The following TRPM8 variants were observed in gnomAD, a reference collection of about 807,000 sequenced individuals.
The protein encoded by TRPM8 is transient receptor potential cation channel subfamily M member 8, also known as TRPM8 cationic channel.
A neutral mutation model predicts 133.7 loss-of-function variants in TRPM8; 110 were observed. The observed-to-expected ratio is 0.82, with a 90% CI of 0.70 to 0.96. The LOEUF is 0.96. Among genes scored for constraint, TRPM8 ranks in the 40% least tolerant of loss-of-function variants. The pLI is 0.00. For missense variants in TRPM8, 1,291 were observed against 1,379.5 expected (o/e 0.94, Z 1.02); for synonymous variants, 535 against 532.3 (o/e 1.01, Z -0.07).
At chr2:233,947,576 G>A (rs1049620509) in intron 8 of TRPM8, 1 of 1,291,624 alleles carries the variant, frequency 7.7e-7, no homozygotes. Flanking sequence ...GCCACCTGGG[G>A]ATGCAGGTAT....
intron 24 of TRPM8, among the ~76,000 whole-genome samples, chr2:234,014,131 C>T (rs1360755460): frequency 6.6e-6 from 1 of 151,986 alleles, no homozygotes; most frequent in Non-Finnish European, 1.5e-5. Flanking sequence ...CTTTTATTTG[C>T]AAAAATTTGA....
Position 233,922,970 on chromosome 2 carries a change from G to T in TRPM8, c.-5-3563G>T, listed in dbSNP as rs549058239. Among the ~76,000 whole-genome samples, 6 of 152,166 alleles carry T rather than the reference G, an allele frequency of 3.9e-5. 1 individual carries two copies. The South Asian group carries it at 1.2e-3, about 32-fold the overall frequency. ...TTCAAGCTCCGCCTCCCAGGTTCAC[G>T]CATTCTCCTGCCTCAGCCTCCTGAG... On this transcript the variant is annotated intron_variant, in intron 1 of 25. Transcript: ENST00000324695.
chr2:233,996,388 T>C lies in TRPM8; in HGVS notation c.3002T>C (p.Leu1001Pro), dbSNP rs371206564. The change falls in exon 22 of 26, where the codon CTG (leucine) becomes CCG (proline). Residue 1001 changes from leucine to proline, a missense_variant. By Grantham distance (98) the Leu-to-Pro change is moderately conservative. This residue lies in a region of TRPM8 where 328 missense variants were observed against 410.6 expected (regional missense o/e 0.80). Transcript: ENST00000324695. ...DQVWKFQRYF[L>P]VQEYCSRLNI... ...GTCTGGAAGTTCCAGAGGTACTTCCTGGTGCAGGAGTACTGCAGCCGCCTC... is the reference window on the plus strand; with the variant it reads ...GTCTGGAAGTTCCAGAGGTACTTCCCGGTGCAGGAGTACTGCAGCCGCCTC... 23 of 1,614,124 alleles carry C rather than the reference T, an allele frequency of 1.4e-5. 1 individual carries two copies. The African/African-American group carries it at 2.8e-4, about 20-fold the overall frequency.
intron 20 of TRPM8, chr2:233,983,491 T>C (rs150201186): frequency 1.0e-3 from 453 of 445,236 alleles, no homozygotes; most frequent in Non-Finnish European, 1.7e-3. Flanking sequence ...AATGTGGCAA[T>C]TGAAGGCAAC....
chr2:233,919,998 T>C (rs909916158), intron 1 of TRPM8, among the ~76,000 whole-genome samples: 16 of 152,208 alleles, frequency 1.1e-4, no homozygotes, highest in African/African-American at 3.9e-4. Flanking sequence ...GGGCCAGTGG[T>C]CCTCTGAAGG....
At position 233,985,694 on chromosome 2, in the gene TRPM8, C is replaced by T. The variant is rs200355253; in HGVS notation, c.2768C>T (p.Thr923Met). The T allele has an allele frequency of 9.9e-6, 16 of 1,613,778 alleles. No individual in the cohort carries two copies. The highest frequency in any genetic ancestry group is 5.3e-5 in the African/African-American group (4 of 74,920). Reference sequence around the variant, plus strand: ...TTGGTTTCTACATCCTCAGGTACCACGTATGACTTTGCCCACTGCACCTTC... The same window carrying T: ...TTGGTTTCTACATCCTCAGGTACCATGTATGACTTTGCCCACTGCACCTTC... ...GQVPSDVDGTTYDFAHCTFTG... is the reference protein window; with the variant it reads ...GQVPSDVDGTMYDFAHCTFTG... The change falls in exon 21 of 26, where the codon ACG (threonine) becomes ATG (methionine). Residue 923 changes from threonine to methionine, a missense_variant. By Grantham distance (81) the Thr-to-Met change is moderately conservative. This residue lies in a region of TRPM8 where 328 missense variants were observed against 410.6 expected (regional missense o/e 0.80). Transcript: ENST00000324695.
Position 233,953,939 on chromosome 2 carries a change from C to T in TRPM8, c.1163C>T (p.Ser388Phe). 2 of 1,613,460 alleles carry T rather than the reference C, an allele frequency of 1.2e-6. No homozygotes were observed. Among genetic ancestry groups the T allele is most frequent in the Non-Finnish European group, 1.7e-6 (2 of 1,179,760 alleles). The change falls in exon 10 of 26, where the codon TCT becomes TTT. Residue 388 changes from serine (S) to phenylalanine (F), a missense_variant. By Grantham distance (155) the Ser-to-Phe change is radical. Around this residue, in one of 2 missense-constraint regions of TRPM8, gnomAD observed 963 missense variants for 968.9 expected, o/e 0.99. Transcript: ENST00000324695. ...CAGCTCAAAGAAATTCTCGAATGTT[C>T]TCACCTATTAACAGTTATTAAAATG... is the stretch of plus-strand genomic sequence containing the variant. ...IKWLKEILEC[S>F]HLLTVIKMEE...
intron 25 of TRPM8, among the ~76,000 whole-genome samples, chr2:234,016,810 G>C (rs1002179166): frequency 5.3e-5 from 8 of 152,108 alleles, no homozygotes; most frequent in African/African-American, 1.9e-4. Context: ...CTTACTTTAA[G>C]GAAGGTCCCT....
At chr2:234,012,848 A>G (rs931672471) in intron 24 of TRPM8, among the ~76,000 whole-genome samples, 1 of 151,714 alleles carries the variant, frequency 6.6e-6, no homozygotes, top group Admixed American at 6.6e-5. Flanking sequence ...AATTTTGTCA[A>G]CTACTTTTTC....
intron 21 of TRPM8, among the ~76,000 whole-genome samples, chr2:233,991,455 C>T (rs775622276): frequency 9.2e-5 from 14 of 152,056 alleles, no homozygotes; most frequent in African/African-American, 2.2e-4. Flanking sequence ...TCAGAGAGAG[C>T]GAAAAGTCAC....
chr2:233,937,387 C>A lies in TRPM8; in HGVS notation c.226C>A (p.Gln76Lys). ...GTGCAAGTGTGGCTATGCCCAGAGC[C>A]AGCACATGGAAGGCACCCAGATCAA... Reference protein sequence around the residue: ...NVCKCGYAQSQHMEGTQINQS... With the variant: ...NVCKCGYAQSKHMEGTQINQS... The change falls in exon 4 of 26, where the codon CAG becomes AAG. Residue 76 changes from glutamine to lysine, a missense_variant. Coordinates refer to ENST00000324695, the MANE Select transcript of TRPM8 (RefSeq NM_024080.5). 6.2e-7 allele frequency: 1 copy of A among 1,614,140 alleles called. No homozygotes were observed. Among genetic ancestry groups the A allele is most frequent in the Non-Finnish European group, 8.5e-7 (1 of 1,180,028 alleles).
chr2:233,986,296 G>A (rs1692147770), intron 21 of TRPM8, among the ~76,000 whole-genome samples: 1 of 152,204 alleles, frequency 6.6e-6, no homozygotes, highest in African/African-American at 2.4e-5. Flanking sequence ...AAATTTTTCA[G>A]TTTAAATCAG....
intron 1 of TRPM8, among the ~76,000 whole-genome samples, chr2:233,924,456 C>G (rs1049322118): frequency 6.6e-6 from 1 of 152,192 alleles, no homozygotes; most frequent in African/African-American, 2.4e-5. Context: ...GTTCCTTCTT[C>G]CAATGCTTCT....
intron 22 of TRPM8, among the ~76,000 whole-genome samples, chr2:234,004,290 G>A (rs1331458962): frequency 2.0e-5 from 3 of 152,160 alleles, no homozygotes; most frequent in East Asian, 1.9e-4. Flanking sequence ...CTCCACCCTC[G>A]GGTGGTGTGG....
At chr2:233,950,794 G>T (rs1691156031) in intron 9 of TRPM8, among the ~76,000 whole-genome samples, 1 of 152,208 alleles carries the variant, frequency 6.6e-6, no homozygotes, top group African/African-American at 2.4e-5. Flanking sequence ...TTCTGATGAG[G>T]CTCCTCCCCA....
chr2:233,941,276 A>G (rs1454213099), intron 5 of TRPM8, among the ~76,000 whole-genome samples: 1 of 152,222 alleles, frequency 6.6e-6, no homozygotes, highest in Non-Finnish European at 1.5e-5. Context: ...AATTAAAAGC[A>G]AGCAAGGCAG....
chr2:233,965,159 C>T (rs754227204), intron 14 of TRPM8, among the ~76,000 whole-genome samples: 2 of 152,126 alleles, frequency 1.3e-5, no homozygotes, highest in African/African-American at 4.8e-5. Flanking sequence ...TATGCACACA[C>T]TGCCAGAGGA....
In TRPM8 at chr2:233,980,186, A is replaced by T. The variant is rs1691971030; in HGVS notation, c.2356-2A>T. 6.3e-7 allele frequency: 1 copy of T among 1,594,968 alleles called. No individual in the cohort carries two copies. The highest frequency in any genetic ancestry group is 8.6e-7 in the Non-Finnish European group (1 of 1,169,122). ...TCCCTCTCTGTCCCTTTCTGTACGC[A>T]GTGGTACGTAAATGGGGTGAATTAT... On this transcript the variant is annotated splice_acceptor_variant, in intron 17 of 25. Coordinates refer to ENST00000324695, the MANE Select transcript of TRPM8 (RefSeq NM_024080.5). LOFTEE classifies it high-confidence loss of function.
At chr2:233,919,778 G>A (rs978121588) in intron 1 of TRPM8, among the ~76,000 whole-genome samples, 1 of 152,084 alleles carries the variant, frequency 6.6e-6, no homozygotes, top group African/African-American at 2.4e-5. Flanking sequence ...CTGGTCTGAT[G>A]GAGATGTATG....
Sources: allele counts gnomAD v4.1 joint callset (sites outside exome capture counted in the v4.1 genomes callset), GRCh38; gene constraint gnomAD v4.1.1; regional missense constraint gnomAD v4.1.1; transcripts MANE v1.5; gene names NCBI Gene and HGNC (gene_info 2026-07-23, HGNC 2026-07-21).